TNPO1: variants seen among roughly 807,000 people sequenced by gnomAD.
TNPO1 encodes transportin 1.
A neutral mutation model predicts 119.5 loss-of-function variants in TNPO1; 8 were observed. The observed-to-expected ratio is 0.07, with a 90% confidence interval of 0.04 to 0.12. The LOEUF (loss-of-function observed/expected upper bound fraction) is 0.12, where lower values mean the gene tolerates loss of function less well. Among genes scored for constraint, TNPO1 ranks in the 10% least tolerant of loss-of-function variants. TNPO1 has a pLI of 1.00. For missense variants in TNPO1, 576 were observed against 1,089.8 expected (o/e 0.53, Z 6.64); for synonymous variants, 362 against 363.0 (o/e 1.00, Z 0.03).
rs541992327 is a variant in TNPO1, at chr5:72,841,226, T to A, written c.16-7159T>A. Among the ~76,000 whole-genome samples the A allele has an allele frequency of 3.3e-5, 5 of 151,992 alleles. No individual in the cohort carries two copies. The South Asian group carries it at 1.0e-3, about 32-fold the overall frequency. Reference sequence around the variant, plus strand: ...AGCTCCACCTCCTTGGTTCAAGAGATTCTCCTGCCTCAGCCTCCCTAGTAG... The same window carrying A: ...AGCTCCACCTCCTTGGTTCAAGAGAATCTCCTGCCTCAGCCTCCCTAGTAG... On this transcript the variant is annotated intron_variant, in intron 1 of 24. Coordinates refer to ENST00000337273, the MANE Select transcript of TNPO1 (RefSeq NM_002270.4).
At chr5:72,866,582 C>T (rs969281722) in intron 6 of TNPO1, among the ~76,000 whole-genome samples, 1 of 151,874 alleles carries the variant, frequency 6.6e-6, no homozygotes, top group Non-Finnish European at 1.5e-5. Flanking sequence ...GATGAGACCC[C>T]ATCTGTACAA....
intron 5 of TNPO1, 43 bp downstream of exon 5, chr5:72,861,957 T>C (rs1746489168): frequency 6.7e-7 from 1 of 1,482,720 alleles, no homozygotes; most frequent in East Asian, 2.3e-5. Flanking sequence ...TTTTCTGTTT[T>C]TCTTGTCATG....
intron 13 of TNPO1, among the ~76,000 whole-genome samples, 176 bp from the exon 14 acceptor site, chr5:72,889,610 A>G (rs970672973): frequency 1.3e-5 from 2 of 152,214 alleles, no homozygotes; most frequent in African/African-American, 2.4e-5. Context: ...GGCAAGTGCT[A>G]TGGAAGAAAT....
At chr5:72,839,094 T>C (rs551107402) in intron 1 of TNPO1, among the ~76,000 whole-genome samples, 1 of 152,162 alleles carries the variant, frequency 6.6e-6, no homozygotes, top group Non-Finnish European at 1.5e-5. Flanking sequence ...ACTATTGGAC[T>C]AGGGTTAACA....
chr5:72,905,136 C>CCAG (rs1400152226), intron 23 of TNPO1, among the ~76,000 whole-genome samples, 167 bp from the exon 24 acceptor site: 18 of 152,250 alleles, frequency 1.2e-4, no homozygotes, highest in African/African-American at 3.9e-4. Context: ...GGACACAGAG[C>CCAG]CAGACCATAT....
chr5:72,864,197 A>G (rs1746709060), intron 5 of TNPO1, among the ~76,000 whole-genome samples: 1 of 152,178 alleles, frequency 6.6e-6, no homozygotes, highest in Non-Finnish European at 1.5e-5. Flanking sequence ...AAAATTCCTG[A>G]TATTTAATGC....
chr5:72,888,074 C>T lies in TNPO1; in HGVS notation c.1304-4C>T, dbSNP rs1336990562. ...GCATTTTGAAAGATTTATTTTTTTT[C>T]TAGGTTGCATGCAGGGCATGATTCC... is the stretch of plus-strand genomic sequence containing the variant. On this transcript the variant is annotated splice_polypyrimidine_tract_variant and splice_region_variant and intron_variant, in intron 12 of 24. Transcript: ENST00000337273. 16 of 1,597,334 alleles carry T rather than the reference C, an allele frequency of 1.0e-5. No individual in the cohort carries two copies. The highest frequency in any genetic ancestry group is 2.3e-5 in the South Asian group (2 of 87,642).
At chr5:72,840,949 A>G (rs962500643) in intron 1 of TNPO1, among the ~76,000 whole-genome samples, 1 of 152,208 alleles carries the variant, frequency 6.6e-6, no homozygotes, top group African/African-American at 2.4e-5. Flanking sequence ...ATCAGTCTCA[A>G]TCGAGGATGA....
chr5:72,893,317 C>T (rs1749199513), intron 16 of TNPO1, 60 bp from the exon 17 acceptor site: 1 of 1,604,906 alleles, frequency 6.2e-7, no homozygotes, highest in Non-Finnish European at 8.5e-7. Flanking sequence ...ATAATGTATA[C>T]AGACTTTTTA....
chr5:72,889,258 A>G (rs976177896), intron 13 of TNPO1, among the ~76,000 whole-genome samples: 9 of 151,998 alleles, frequency 5.9e-5, no homozygotes, highest in African/African-American at 2.2e-4. Flanking sequence ...GGGTTTTGTC[A>G]TGTTGGCCAG....
At chr5:72,892,871 A>G (rs1483675790) in intron 15 of TNPO1, among the ~76,000 whole-genome samples, 1 of 152,026 alleles carries the variant, frequency 6.6e-6, no homozygotes, top group Non-Finnish European at 1.5e-5. Context: ...AAAAATATGA[A>G]CACATAATAC....
At position 72,911,833 on chromosome 5, in the gene TNPO1, T is replaced by G. The variant is rs1238477477; in HGVS notation, c.*3160T>G. The G allele has an allele frequency of 6.6e-6, 1 of 152,552 alleles. No individual in the cohort carries two copies. Among genetic ancestry groups the G allele is most frequent in the Non-Finnish European group, 1.5e-5 (1 of 67,952 alleles). The allele number at this position is 152,552 out of a possible 1,614,324, so 9.4% of individuals were successfully genotyped here. On this transcript the variant is annotated 3_prime_UTR_variant, in exon 25 of 25. Transcript: ENST00000337273. ...CCTCAGGAGGTCAGTGTTTACTGTT[T>G]TATATATGCCTTCTTTTTCCTGTTT...
At position 72,848,445 on chromosome 5, in the gene TNPO1, C is replaced by T. The variant is rs1299829742; in HGVS notation, c.76C>T (p.Leu26=). Residue 26 remains leucine, a synonymous_variant, in exon 2 of 25, where the codon CTG becomes TTG. Transcript: ENST00000337273. ...DEQGLQQILQ[L]LKESQSPDTT... is the part of the protein sequence containing the mutation. ...GCAAGGGCTTCAGCAAATCCTGCAG[C>T]TGTTGAAGGAGTCCCAGTCCCCAGA... is the stretch of plus-strand genomic sequence containing the variant. The T allele has an allele frequency of 6.2e-7, 1 of 1,612,438 alleles. No individual in the cohort carries two copies. Among genetic ancestry groups the T allele is most frequent in the East Asian group, 2.2e-5 (1 of 44,638 alleles).
At chr5:72,899,149 A>G (rs1420703550) in intron 20 of TNPO1, among the ~76,000 whole-genome samples, 2 of 152,170 alleles carry the variant, frequency 1.3e-5, no homozygotes, top group Non-Finnish European at 2.9e-5. Flanking sequence ...AGTATAATGT[A>G]TTATCTATTT....
rs184609241 is a variant in TNPO1 at position 72,827,081 on chromosome 5, C to T, written c.15+10329C>T. 3.3e-5 allele frequency among the ~76,000 whole-genome samples: 5 copies of T among 151,942 alleles called. No individual in the cohort carries two copies. The East Asian group carries it at 9.7e-4, about 29-fold the overall frequency. On this transcript the variant is annotated intron_variant, in intron 1 of 24. Coordinates refer to ENST00000337273, the MANE Select transcript of TNPO1 (RefSeq NM_002270.4). ...GCCTTTCTTAAATGTCGTATTTGGCCAGCAGTCAATCTGAAAGAGGGGAAG... is the reference window on the plus strand; with the variant it reads ...GCCTTTCTTAAATGTCGTATTTGGCTAGCAGTCAATCTGAAAGAGGGGAAG...
chr5:72,891,934 A>T (rs757901837), intron 15 of TNPO1, 38 bp downstream of exon 15: 1 of 1,518,996 alleles, frequency 6.6e-7, no homozygotes, highest in Non-Finnish European at 9.0e-7. Context: ...GTTGCCAAGA[A>T]CACATGTTCA....
At chr5:72,859,612 C>A (rs535899519) in intron 4 of TNPO1, among the ~76,000 whole-genome samples, 1 of 152,250 alleles carries the variant, frequency 6.6e-6, no homozygotes, top group South Asian at 2.1e-4. Context: ...ATCTGAATGA[C>A]TGTGGGGTAA....
intron 2 of TNPO1, among the ~76,000 whole-genome samples, chr5:72,850,258 A>G (rs1314986833): frequency 6.6e-6 from 1 of 152,232 alleles, no homozygotes; most frequent in Non-Finnish European, 1.5e-5. Flanking sequence ...ATCAGGAAAT[A>G]GTTTTGAAAA....
At chr5:72,900,863 A>G in intron 21 of TNPO1, 111 bp from the exon 22 acceptor site, 1 of 591,694 alleles carries the variant, frequency 1.7e-6, no homozygotes, top group Non-Finnish European at 2.7e-6. Context: ...AACTCTTTTA[A>G]TATAATCATT....
Sources: allele counts gnomAD v4.1 joint callset (sites outside exome capture counted in the v4.1 genomes callset), GRCh38; gene constraint gnomAD v4.1.1; transcripts MANE v1.5; gene names NCBI Gene and HGNC (gene_info 2026-07-23, HGNC 2026-07-21).